IGSF10: variants seen among roughly 807,000 people sequenced by gnomAD.
IGSF10 encodes immunoglobulin superfamily member 10.
A neutral mutation model predicts 128.2 loss-of-function variants in IGSF10; 126 were observed. The ratio of observed to expected loss-of-function variants is 0.98; its 90% CI spans 0.85 to 1.14. IGSF10 has a LOEUF of 1.14. Among genes scored for constraint, IGSF10 ranks in the 50% most tolerant of loss-of-function variants. IGSF10 has a pLI of 0.00. For missense variants in IGSF10, 3,295 were observed against 3,149.8 expected (o/e 1.05, Z -1.10); for synonymous variants, 1,185 against 1,146.2 (o/e 1.03, Z -0.68).
chr3:151,599,094 G>C, the IGSF10 span, among the ~76,000 whole-genome samples: 1 of 152,168 alleles, frequency 6.6e-6, no homozygotes, highest in South Asian at 2.1e-4. Flanking sequence ...TTCTCAGAAG[G>C]GATGAGTGCT....
intron 4 of IGSF10, among the ~76,000 whole-genome samples, chr3:151,454,019 C>CTTTTTTTTTTTTTT (rs142736294): frequency 7.9e-6 from 1 of 126,664 alleles, no homozygotes; most frequent in Non-Finnish European, 1.7e-5. Flanking sequence ...TTTTCTTTTT[C>CTTTTTTTTTTTTTT]TTTTTTTTTT....
the IGSF10 span, among the ~76,000 whole-genome samples, chr3:151,611,191 A>C: frequency 1.3e-5 from 2 of 152,230 alleles, no homozygotes; most frequent in Non-Finnish European, 2.9e-5. Flanking sequence ...AAAAATTCAC[A>C]TATGTTCAAA....
At chr3:151,581,674 A>C in the IGSF10 span, among the ~76,000 whole-genome samples, 6 of 152,182 alleles carry the variant, frequency 3.9e-5, no homozygotes, top group African/African-American at 1.4e-4. Context: ...CAAATAATGA[A>C]GCAGATTTAG....
chr3:151,488,146 T>C, the IGSF10 span, among the ~76,000 whole-genome samples: 1 of 152,024 alleles, frequency 6.6e-6, no homozygotes, highest in South Asian at 2.1e-4. Context: ...GGATACAAAA[T>C]CAATGTGCAA....
the IGSF10 span, among the ~76,000 whole-genome samples, chr3:151,490,637 G>A: frequency 6.6e-6 from 1 of 151,826 alleles, no homozygotes; most frequent in African/African-American, 2.4e-5. Flanking sequence ...CACAAAACAA[G>A]TCTTACCAAA....
chr3:151,571,158 G>A, the IGSF10 span, among the ~76,000 whole-genome samples: 1 of 152,128 alleles, frequency 6.6e-6, no homozygotes. Flanking sequence ...TTGAAGTCAG[G>A]TAGCGTGATG....
the IGSF10 span, among the ~76,000 whole-genome samples, chr3:151,513,708 A>T: frequency 1.3e-5 from 2 of 152,198 alleles, no homozygotes; most frequent in Non-Finnish European, 2.9e-5. Context: ...ACATGATTGT[A>T]TATCTAGAAA....
At chr3:151,566,028 G>GA in the IGSF10 span, 1 of 153,428 alleles carries the variant, frequency 6.5e-6, no homozygotes, top group African/African-American at 2.4e-5. Context: ...AGTCCTGGGA[G>GA]AATCAGTGCA....
At position 151,437,341 on chromosome 3, in the gene IGSF10, C is replaced by T. The variant is rs867084352; in HGVS notation, c.7220G>A (p.Gly2407Glu). 6 of 1,614,176 alleles carry T rather than the reference C, an allele frequency of 3.7e-6. No individual in the cohort carries two copies. Among genetic ancestry groups the T allele is most frequent in the Non-Finnish European group, 5.1e-6 (6 of 1,180,018 alleles). ...IISKTTREDA[G>E]KYRCAARNKV... ...ATTCCTAGCTGCACAGCGATATTTT[C>T]CTGCATCCTCCCGAGTTGTTTTAGA... is the stretch of plus-strand genomic sequence containing the variant. Residue 2407 changes from glycine (G) to glutamate (E), a missense_variant, in exon 8 of 8, where the codon GGA becomes GAA. Transcript: ENST00000282466.
At chr3:151,600,533 G>GTAC in the IGSF10 span, among the ~76,000 whole-genome samples, 1 of 152,154 alleles carries the variant, frequency 6.6e-6, no homozygotes, top group African/African-American at 2.4e-5. Context: ...AAAAGCTGTG[G>GTAC]AGTAGTCCAA....
the IGSF10 span, among the ~76,000 whole-genome samples, chr3:151,567,008 A>C: frequency 1.3e-5 from 2 of 152,180 alleles, no homozygotes; most frequent in African/African-American, 4.8e-5. Flanking sequence ...GGTGGCTGTC[A>C]ATCTGTTGGC....
the IGSF10 span, among the ~76,000 whole-genome samples, chr3:151,503,937 C>A: frequency 6.6e-6 from 1 of 151,892 alleles, no homozygotes; most frequent in Admixed American, 6.6e-5. Flanking sequence ...CTGGGTGGTG[C>A]CTGCTTGTGC....
chr3:151,515,149 C>CTA, the IGSF10 span, among the ~76,000 whole-genome samples: 1 of 152,054 alleles, frequency 6.6e-6, no homozygotes, highest in African/African-American at 2.4e-5. Context: ...AATCATGCTG[C>CTA]TATAAAGACA....
the IGSF10 span, among the ~76,000 whole-genome samples, chr3:151,511,353 T>C: frequency 6.6e-6 from 1 of 152,118 alleles, no homozygotes; most frequent in African/African-American, 2.4e-5. Context: ...GAATTTCACA[T>C]CCAGCCAAAA....
chr3:151,460,788 C>A (rs1243282286), intron 1 of IGSF10, among the ~76,000 whole-genome samples, 158 bp downstream of exon 1: 1 of 151,958 alleles, frequency 6.6e-6, no homozygotes, highest in African/African-American at 2.4e-5. Context: ...GCTTTCATGC[C>A]CCCACCTTCT....
chr3:151,511,378 G>A, the IGSF10 span, among the ~76,000 whole-genome samples: 2 of 152,120 alleles, frequency 1.3e-5, no homozygotes, highest in Non-Finnish European at 2.9e-5. Context: ...CTTCATAAGT[G>A]AAGGAGAAAT....
the IGSF10 span, among the ~76,000 whole-genome samples, chr3:151,514,751 G>A: frequency 1.4e-4 from 22 of 151,966 alleles, no homozygotes; most frequent in African/African-American, 4.8e-4. Context: ...AATCTACAAT[G>A]AACTCAAACA....
At chr3:151,496,815 T>A in the IGSF10 span, among the ~76,000 whole-genome samples, 1 of 151,972 alleles carries the variant, frequency 6.6e-6, no homozygotes, top group Admixed American at 6.6e-5. Flanking sequence ...AGTGTTCCTA[T>A]TTCTCCACAT....
At chr3:151,535,241 A>G in the IGSF10 span, among the ~76,000 whole-genome samples, 5 of 152,254 alleles carry the variant, frequency 3.3e-5, no homozygotes, top group African/African-American at 1.2e-4. Flanking sequence ...CTTATTTTTG[A>G]GGATATTTGG....
Sources: allele counts gnomAD v4.1 joint callset (sites outside exome capture counted in the v4.1 genomes callset), GRCh38; gene constraint gnomAD v4.1.1; transcripts MANE v1.5; gene names NCBI Gene and HGNC (gene_info 2026-07-23, HGNC 2026-07-21).